RMI1: variants seen among roughly 807,000 people sequenced by gnomAD.
RMI1 encodes the protein recQ-mediated genome instability protein 1.
A neutral mutation model predicts 46.7 loss-of-function variants in RMI1; 36 were observed. The observed-to-expected ratio is 0.77, with a 90% confidence interval of 0.59 to 1.02. RMI1 has a LOEUF of 1.02. RMI1 is among the 50% of genes least tolerant of loss of function. RMI1 has a pLI of 0.00. For synonymous variants in RMI1, 250 were observed against 252.9 expected (o/e 0.99, Z 0.11); for missense variants, 676 against 713.7 (o/e 0.95, Z 0.60).
rs754276226 is a variant in RMI1 at position 84,001,053 on chromosome 9, C to T, written c.67C>T (p.Pro23Ser). The T allele has an allele frequency of 6.2e-7, 1 of 1,613,776 alleles. No homozygotes were observed. The highest frequency in any genetic ancestry group is 1.1e-5 in the South Asian group (1 of 91,066). Reference protein sequence around the residue: ...WLLAAWHVKVPPMWLEACINW... With the variant: ...WLLAAWHVKVSPMWLEACINW... ...TTTAGCTGCATGGCATGTTAAAGTA[C>T]CTCCGATGTGGCTGGAAGCTTGTAT... The change falls in exon 3 of 3, where the codon CCT becomes TCT. Residue 23 changes from proline to serine, a missense_variant. Coordinates refer to ENST00000445877, the MANE Select transcript of RMI1 (RefSeq NM_001358291.2).
At chr9:83,993,240 A>G (rs988336403) in intron 1 of RMI1, among the ~76,000 whole-genome samples, 3 of 152,204 alleles carry the variant, frequency 2.0e-5, no homozygotes, top group African/African-American at 7.2e-5. Context: ...TGTAAGTGGA[A>G]TCATGCAGTA....
At chr9:83,996,315 T>C (rs1467893822) in intron 1 of RMI1, among the ~76,000 whole-genome samples, 4 of 152,254 alleles carry the variant, frequency 2.6e-5, no homozygotes, top group Non-Finnish European at 5.9e-5. Context: ...ATGTAGGTGT[T>C]GGGTGGAACT....
chr9:83,989,680 A>T (rs1957540907), intron 1 of RMI1, among the ~76,000 whole-genome samples: 1 of 114,754 alleles, frequency 8.7e-6, no homozygotes, highest in East Asian at 2.5e-4. Flanking sequence ...AAAAAAAAAT[A>T]AAATAAAATA....
chr9:83,983,784 A>G (rs556118476), intron 1 of RMI1, among the ~76,000 whole-genome samples: 4 of 152,254 alleles, frequency 2.6e-5, no homozygotes, highest in East Asian at 1.9e-4. Context: ...CATTCATACA[A>G]TGCTAATCAG....
chr9:83,998,333 A>G (rs1292645929), intron 1 of RMI1, among the ~76,000 whole-genome samples: 1 of 152,192 alleles, frequency 6.6e-6, no homozygotes, highest in African/African-American at 2.4e-5. Flanking sequence ...TAACTTCCCC[A>G]TGTCCTTTAA....
chr9:83,980,574 G>GCGTCTGCAGTGCTGT (rs1293048937), upstream of RMI1: 4 of 152,878 alleles, frequency 2.6e-5, no homozygotes. Flanking sequence ...GAGGATAATG[G>GCGTCTGCAGTGCTGT]CGTCTGCAGT....
chr9:83,995,453 A>G (rs540458716), intron 1 of RMI1, among the ~76,000 whole-genome samples: 15 of 144,098 alleles, frequency 1.0e-4, no homozygotes, highest in South Asian at 8.8e-4. Context: ...TTGAGACAAG[A>G]GTCTCACTCT....
chr9:83,988,349 G>C (rs1957522557), intron 1 of RMI1, among the ~76,000 whole-genome samples: 1 of 152,152 alleles, frequency 6.6e-6, no homozygotes, highest in African/African-American at 2.4e-5. Flanking sequence ...TATCGCCCAA[G>C]CTGGAGAGCA....
Position 84,003,103 on chromosome 9 carries a change from G to C in RMI1, c.*239G>C, listed in dbSNP as rs1404471180. On this transcript the variant is annotated 3_prime_UTR_variant, in exon 3 of 3. Coordinates refer to ENST00000445877, the MANE Select transcript of RMI1 (RefSeq NM_001358291.2). Reference sequence around the variant, plus strand: ...GCTCTGTTGCCCAGGCTAGAGTGCAGTGGCATGATCATAGGTTATTGCATC... The same window carrying C: ...GCTCTGTTGCCCAGGCTAGAGTGCACTGGCATGATCATAGGTTATTGCATC... 7 of 317,388 alleles carry C rather than the reference G, an allele frequency of 2.2e-5. No homozygotes were observed. In the Admixed American group the frequency reaches 2.3e-4, roughly 11 times the overall value. 19.7% of individuals were successfully genotyped at this position (317,388 alleles called of 1,614,324 possible). A position where few individuals can be genotyped will look rare whatever the true frequency, so the allele number is the denominator to read the frequency against.
intron 1 of RMI1, among the ~76,000 whole-genome samples, chr9:83,987,204 A>G (rs1453427346): frequency 6.6e-6 from 1 of 152,110 alleles, no homozygotes; most frequent in Non-Finnish European, 1.5e-5. Flanking sequence ...CTGGAATTAC[A>G]AGCACGTGCC....
chr9:84,001,331 A>G lies in RMI1; in HGVS notation c.345A>G (p.Leu115=). ...GAGGAAAGAATACAACAAATGATCTAGTTACAGCTGAAGCACAAGTAACCC... is the reference window on the plus strand; with the variant it reads ...GAGGAAAGAATACAACAAATGATCTGGTTACAGCTGAAGCACAAGTAACCC... ...KLRGKNTTND[L]VTAEAQVTPK... Residue 115 remains leucine (L), a synonymous_variant, in exon 3 of 3, where the codon CTA becomes CTG. Coordinates refer to ENST00000445877, the MANE Select transcript of RMI1 (RefSeq NM_001358291.2). The G allele has an allele frequency of 6.2e-7, 1 of 1,614,174 alleles. No individual in the cohort carries two copies. Among genetic ancestry groups the G allele is most frequent in the Non-Finnish European group, 8.5e-7 (1 of 1,179,994 alleles).
At position 84,001,063 on chromosome 9, in the gene RMI1, G is replaced by A. The variant is rs1588473450; in HGVS notation, c.77G>A (p.Trp26Ter). 1 of 1,613,992 alleles carries A rather than the reference G, an allele frequency of 6.2e-7. No homozygotes were observed. The highest frequency in any genetic ancestry group is 8.5e-7 in the Non-Finnish European group (1 of 1,179,968). Residue 26 changes from tryptophan to a stop codon, truncating the protein, a stop_gained, in exon 3 of 3, where the codon TGG (tryptophan) becomes TAG (stop). Coordinates refer to ENST00000445877, the MANE Select transcript of RMI1 (RefSeq NM_001358291.2). LOFTEE classifies it high-confidence loss of function. Reference protein sequence around the residue: ...AAWHVKVPPMWLEACINWIQE... With the variant: ...AAWHVKVPPM ...TGGCATGTTAAAGTACCTCCGATGT[G>A]GCTGGAAGCTTGTATTAACTGGATT...
At chr9:83,985,161 A>G (rs969440372) in intron 1 of RMI1, among the ~76,000 whole-genome samples, 2 of 152,226 alleles carry the variant, frequency 1.3e-5, no homozygotes, top group African/African-American at 4.8e-5. Context: ...TATAATATAG[A>G]TCTTACATAA....
rs540272066 is a variant in RMI1, at chr9:84,001,694, A to G, written c.708A>G (p.Leu236=). 1 of 1,614,000 alleles carries G rather than the reference A, an allele frequency of 6.2e-7. No individual in the cohort carries two copies. The highest frequency in any genetic ancestry group is 1.7e-5 in the Admixed American group (1 of 60,024). ...ACATTCCCAGAGTTACAGATGTTCTAGATCCTGCATTAGGTCCTTCTGATG... is the reference window on the plus strand; with the variant it reads ...ACATTCCCAGAGTTACAGATGTTCTGGATCCTGCATTAGGTCCTTCTGATG... The part of the protein sequence containing the change: ...NENIPRVTDV[L]DPALGPSDEE... Residue 236 remains leucine, a synonymous_variant, in exon 3 of 3, where the codon CTA becomes CTG. Transcript: ENST00000445877.
At chr9:83,983,929 T>G (rs986055741) in intron 1 of RMI1, among the ~76,000 whole-genome samples, 7 of 152,244 alleles carry the variant, frequency 4.6e-5, no homozygotes, top group Admixed American at 6.5e-5. Flanking sequence ...AATGGTTTCT[T>G]TAAAGATTTC....
intron 1 of RMI1, among the ~76,000 whole-genome samples, chr9:83,987,077 G>A (rs542383281): frequency 2.0e-5 from 3 of 151,240 alleles, no homozygotes; most frequent in African/African-American, 4.9e-5. Context: ...CCTTCCCTTC[G>A]CTTTCCGATG....
chr9:83,985,131 T>C (rs1957471454), intron 1 of RMI1, among the ~76,000 whole-genome samples: 1 of 152,232 alleles, frequency 6.6e-6, no homozygotes, highest in Non-Finnish European at 1.5e-5. Flanking sequence ...GTCTCAATTA[T>C]TAATATCCAG....
chr9:84,001,955 A>G lies in RMI1; in HGVS notation c.969A>G (p.Glu323=), dbSNP rs377186823. 1.5e-5 allele frequency: 25 copies of G among 1,613,980 alleles called. No homozygotes were observed. The highest frequency in any genetic ancestry group is 2.0e-5 in the Non-Finnish European group (24 of 1,179,986). ...CACTGGAGGAGGCCTTGCTTTTAGAAGAAACTGTCCAGAAAGAACAGATGG... is the reference window on the plus strand; with the variant it reads ...CACTGGAGGAGGCCTTGCTTTTAGAGGAAACTGTCCAGAAAGAACAGATGG... ...DFSLEEALLL[E]ETVQKEQMET... Residue 323 remains glutamate, a synonymous_variant, in exon 3 of 3, where the codon GAA becomes GAG. Coordinates refer to ENST00000445877, the MANE Select transcript of RMI1 (RefSeq NM_001358291.2).
At chr9:83,986,375 T>C (rs1428035071) in intron 1 of RMI1, among the ~76,000 whole-genome samples, 1 of 152,220 alleles carries the variant, frequency 6.6e-6, no homozygotes, top group Non-Finnish European at 1.5e-5. Flanking sequence ...TGGCCGTTTA[T>C]ATGTGGATTT....
Sources: gnomAD v4.1 joint callset for allele counts (sites outside exome capture counted in the v4.1 genomes callset) on GRCh38, gnomAD v4.1.1 for gene constraint, MANE v1.5 for transcripts, NCBI Gene and HGNC (gene_info 2026-07-23, HGNC 2026-07-21) for gene names.